The following PDE4D variants were observed in gnomAD, a reference collection of about 807,000 sequenced individuals.
PDE4D encodes phosphodiesterase 4D.
In PDE4D, 24 loss-of-function variants were observed where a neutral mutation model predicts 87.4. The observed-to-expected ratio is 0.27, with a 90% CI of 0.20 to 0.39. The LOEUF (loss-of-function observed/expected upper bound fraction) is 0.39. Ranked by LOEUF, PDE4D falls within the 10% of genes least tolerant of loss-of-function variation. The probability of loss-of-function intolerance (pLI) is 1.00; values close to 1 mark genes in which losing one functional copy is unlikely to be tolerated. For synonymous variants in PDE4D, 384 were observed against 383.2 expected, an observed-to-expected ratio of 1.00 and a Z score of -0.02; for missense variants, 714 against 1,041.0, an observed-to-expected ratio of 0.69 and a Z score of 4.32.
At chr5:59,081,615 A>C (rs527240656) in intron 5 of PDE4D, among the ~76,000 whole-genome samples, 3 of 151,540 alleles carry the variant, frequency 2.0e-5, no homozygotes, top group Non-Finnish European at 4.4e-5. Flanking sequence ...CCATATGGTT[A>C]TACAATTATC....
chr5:59,646,331 C>T lies in PDE4D; in HGVS notation c.455+246837G>A, dbSNP rs115836229. Among the ~76,000 whole-genome samples, 332 of 152,218 alleles carry T rather than the reference C, an allele frequency of 2.2e-3. 1 individual carries two copies. Among genetic ancestry groups the T allele is most frequent in the African/African-American group, 7.4e-3 (307 of 41,538 alleles). On this transcript the variant is annotated intron_variant, in intron 1 of 14. Transcript: ENST00000340635. Reference sequence around the variant, plus strand: ...AGAGGTAACTTCCTTTATATTACAACTAAGTAATAAAATGGATATAAATGT... The same window carrying T: ...AGAGGTAACTTCCTTTATATTACAATTAAGTAATAAAATGGATATAAATGT...
At position 60,209,192 on chromosome 5, in the gene PDE4D, T is replaced by C. The variant is rs985010444; in HGVS notation, c.-89-23505A>G. On this transcript the variant is annotated intron_variant, in intron 1 of 16. Transcript: ENST00000502484. Reference sequence around the variant, plus strand: ...AAAGTATTTTTTCTTTTTTTCTTTTTTTTTTTTTTTTTTTTTTAGTGTTAA... The same window carrying C: ...AAAGTATTTTTTCTTTTTTTCTTTTCTTTTTTTTTTTTTTTTTAGTGTTAA... Among the ~76,000 whole-genome samples, 151 of 147,032 alleles carry C rather than the reference T, an allele frequency of 1.0e-3. 1 individual carries two copies. The highest frequency in any genetic ancestry group is 3.4e-3 in the African/African-American group (136 of 40,304).
chr5:60,166,792 A>G (rs183892666), intron 2 of PDE4D, among the ~76,000 whole-genome samples: 1 of 152,008 alleles, frequency 6.6e-6, no homozygotes, highest in African/African-American at 2.4e-5. Context: ...GAAAGTATTT[A>G]TTTCTAAAAG....
intron 1 of PDE4D, among the ~76,000 whole-genome samples, chr5:59,858,650 A>G (rs1422078015): frequency 6.6e-6 from 1 of 152,140 alleles, no homozygotes; most frequent in African/African-American, 2.4e-5. Flanking sequence ...CACTCACATA[A>G]CTATCCATAA....
At chr5:60,320,036 G>A (rs955769712) in intron 1 of PDE4D, among the ~76,000 whole-genome samples, 55 of 152,348 alleles carry the variant, frequency 3.6e-4, no homozygotes, top group African/African-American at 1.3e-3. Flanking sequence ...TAAGTCTGCA[G>A]AGGATTCTGC....
At chr5:60,305,719 A>AAC (rs1754438571) in intron 1 of PDE4D, among the ~76,000 whole-genome samples, 1 of 151,734 alleles carries the variant, frequency 6.6e-6, no homozygotes, top group African/African-American at 2.4e-5. Flanking sequence ...AAAAAAAAAA[A>AAC]AAACTCTAGC....
At position 59,427,205 on chromosome 5, in the gene PDE4D, A is replaced by C. The variant is rs558471518; in HGVS notation, c.456-211237T>G. 3.3e-5 allele frequency among the ~76,000 whole-genome samples: 5 copies of C among 151,706 alleles called. No homozygotes were observed. The South Asian group carries it at 1.0e-3, about 32-fold the overall frequency. On this transcript the variant is annotated intron_variant, in intron 1 of 14. Coordinates refer to ENST00000340635, the MANE Select transcript of PDE4D (RefSeq NM_001104631.2). ...ATGCAGTTTCTACAGGGAAACAAGG[A>C]AAGGGAATTTAATTGATCCAAATGA...
intron 1 of PDE4D, among the ~76,000 whole-genome samples, chr5:59,334,111 C>A (rs754727099): frequency 2.6e-5 from 4 of 151,816 alleles, no homozygotes; most frequent in Admixed American, 2.0e-4. Context: ...ATCATTATAT[C>A]TCTGAGTGTT....
chr5:59,337,882 T>C (rs1192680710), intron 1 of PDE4D, among the ~76,000 whole-genome samples: 1 of 152,200 alleles, frequency 6.6e-6, no homozygotes, highest in African/African-American at 2.4e-5. Flanking sequence ...ACAAATGTCA[T>C]GGGAGCCTCT....
intron 3 of PDE4D, among the ~76,000 whole-genome samples, chr5:59,931,855 C>T (rs1293609204): frequency 1.3e-5 from 2 of 152,124 alleles, no homozygotes; most frequent in Admixed American, 6.5e-5. Flanking sequence ...GCACCTGCCA[C>T]CATACCCGGC....
intron 1 of PDE4D, among the ~76,000 whole-genome samples, chr5:59,659,118 G>A (rs150857758): frequency 6.6e-6 from 1 of 152,318 alleles, no homozygotes; most frequent in East Asian, 1.9e-4. Context: ...TCCTTATACT[G>A]GGAAGGGATA....
Position 59,225,970 on chromosome 5 carries a change from C to G in PDE4D, c.456-10002G>C, listed in dbSNP as rs115623915. Among the ~76,000 whole-genome samples, 583 of 151,638 alleles carry G rather than the reference C, an allele frequency of 3.8e-3. 4 individuals carry two copies. The highest frequency in any genetic ancestry group is 0.013 in the African/African-American group (530 of 41,400). ...AACCACAATGAGATATTGCTTCACT[C>G]CTGTTAGGATGGCCATTATTAAAAA... On this transcript the variant is annotated intron_variant, in intron 1 of 14. Coordinates refer to ENST00000340635, the MANE Select transcript of PDE4D (RefSeq NM_001104631.2).
intron 1 of PDE4D, among the ~76,000 whole-genome samples, chr5:59,772,892 G>A (rs1038139795): frequency 1.3e-5 from 2 of 152,168 alleles, no homozygotes; most frequent in African/African-American, 4.8e-5. Flanking sequence ...AACCCCAGAA[G>A]TACTAGTTAC....
chr5:59,494,348 T>C (rs749234773), intron 1 of PDE4D, among the ~76,000 whole-genome samples: 10 of 152,154 alleles, frequency 6.6e-5, no homozygotes, highest in Non-Finnish European at 1.0e-4. Flanking sequence ...CAAAAATAAA[T>C]ACTAGCAAGA....
At chr5:59,007,064 C>T (rs1003368734) in intron 6 of PDE4D, among the ~76,000 whole-genome samples, 4 of 152,152 alleles carry the variant, frequency 2.6e-5, no homozygotes, top group Middle Eastern at 3.4e-3. Flanking sequence ...ATAATAGATC[C>T]GTTAATATAA....
At chr5:59,928,062 T>C (rs952207030) in intron 3 of PDE4D, among the ~76,000 whole-genome samples, 1 of 152,136 alleles carries the variant, frequency 6.6e-6, no homozygotes, top group African/African-American at 2.4e-5. Flanking sequence ...GAGCAGTGCA[T>C]AGTGAATGTG....
chr5:59,750,084 CTTTTTTTT>C (rs35243469), intron 1 of PDE4D, among the ~76,000 whole-genome samples: 1 of 131,462 alleles, frequency 7.6e-6, no homozygotes, highest in Non-Finnish European at 1.6e-5. Context: ...GAATTATGAC[CTTTTTTTT>C]TTTTTTTTTT....
chr5:59,533,119 A>T (rs564205876), intron 1 of PDE4D, among the ~76,000 whole-genome samples: 140 of 152,334 alleles, frequency 9.2e-4, no homozygotes, highest in African/African-American at 3.2e-3. Flanking sequence ...CATATAACTT[A>T]AGTTTATAAC....
At position 60,360,750 on chromosome 5, in the gene PDE4D, C is replaced by A. The variant is rs540428603; in HGVS notation, c.-90+127192G>T. ...GAATCATCAAGTCTTCTCCCAGAAA[C>A]TATCACATGCATGGTTGGCATCTGT... is the stretch of plus-strand genomic sequence containing the variant. On this transcript the variant is annotated intron_variant, in intron 1 of 16. Coordinates refer to the PDE4D transcript ENST00000502484. Among the ~76,000 whole-genome samples, 4 of 152,302 alleles carry A rather than the reference C, an allele frequency of 2.6e-5. No homozygotes were observed. The South Asian group carries it at 8.3e-4, about 32-fold the overall frequency.
Sources: gnomAD v4.1 joint callset for allele counts (sites outside exome capture counted in the v4.1 genomes callset) on GRCh38, gnomAD v4.1.1 for gene constraint, MANE v1.5 for transcripts, NCBI Gene and HGNC (gene_info 2026-07-23, HGNC 2026-07-21) for gene names.